SH3GL3: variants seen among roughly 807,000 people sequenced by gnomAD.
SH3GL3 encodes endophilin-A3.
SH3GL3 carries 33 observed loss-of-function variants against 47.7 expected under a neutral mutation model. The observed-to-expected ratio is 0.69, with a 90% CI of 0.52 to 0.92. The LOEUF (loss-of-function observed/expected upper bound fraction) is 0.92, where lower values mean the gene tolerates loss of function less well. Ranked by LOEUF, SH3GL3 falls within the 40% of genes least tolerant of loss-of-function variation. SH3GL3 has a pLI of 0.00. For synonymous variants in SH3GL3, 155 were observed against 148.8 expected, an observed-to-expected ratio of 1.04 and a Z score of -0.30; for missense variants, 363 against 417.8, an observed-to-expected ratio of 0.87 and a Z score of 1.14.
intron 1 of SH3GL3, among the ~76,000 whole-genome samples, chr15:83,486,052 G>A (rs2041580304): frequency 6.6e-6 from 1 of 152,030 alleles, no homozygotes; most frequent in Admixed American, 6.6e-5. Context: ...TTTCTCTTAG[G>A]CCTTTCTCTA....
intron 1 of SH3GL3, among the ~76,000 whole-genome samples, chr15:83,477,576 TTCAG>T (rs1189139067): frequency 1.3e-5 from 2 of 152,190 alleles, no homozygotes; most frequent in Non-Finnish European, 2.9e-5. Flanking sequence ...CTCGGTTAAC[TTCAG>T]TCAGTTTGTA....
chr15:83,515,908 A>G (rs17512392), intron 1 of SH3GL3, among the ~76,000 whole-genome samples: 5,215 of 152,314 alleles, frequency 0.034, 116 homozygotes, highest in Non-Finnish European at 0.048. Flanking sequence ...AATTCACTGT[A>G]AAAATATCGT....
chr15:83,520,202 C>A (rs1032259682), intron 1 of SH3GL3, among the ~76,000 whole-genome samples: 8 of 152,114 alleles, frequency 5.3e-5, no homozygotes, highest in Admixed American at 2.0e-4. Flanking sequence ...GCTTGCCTGA[C>A]CTTTGCCCAG....
chr15:83,614,874 C>A (rs1417932443), intron 8 of SH3GL3, among the ~76,000 whole-genome samples: 2 of 152,184 alleles, frequency 1.3e-5, no homozygotes, highest in East Asian at 3.8e-4. Flanking sequence ...AATGCTGTCA[C>A]CTCTCTACCC....
chr15:83,554,641 A>G lies in SH3GL3; in HGVS notation c.46-4612A>G, dbSNP rs1189163251. Among the ~76,000 whole-genome samples, 3 of 151,664 alleles carry G rather than the reference A, an allele frequency of 2.0e-5. No individual in the cohort carries two copies. In the East Asian group the frequency reaches 5.8e-4, roughly 29 times the overall value. On this transcript the variant is annotated intron_variant, in intron 1 of 8. Coordinates refer to ENST00000427482, the MANE Select transcript of SH3GL3 (RefSeq NM_003027.5). ...GACCTCAGGTGATCCACCCGCCTCA[A>G]CCTCCCAAAGTGCTGGGATTACAGG... is the stretch of plus-strand genomic sequence containing the variant.
chr15:83,597,923 T>C (rs536074909), intron 8 of SH3GL3, among the ~76,000 whole-genome samples: 1 of 152,328 alleles, frequency 6.6e-6, no homozygotes, highest in South Asian at 2.1e-4. Context: ...TTATGCTTTT[T>C]AAAAAGTCTC....
In SH3GL3 at chr15:83,555,345, T is replaced by C. The variant is rs554547941; in HGVS notation, c.46-3908T>C. Reference sequence around the variant, plus strand: ...GTCTATATTGTTTCATAAAACCGTTTTCTCTAGAAGTGAATTCATGTTATG... The same window carrying C: ...GTCTATATTGTTTCATAAAACCGTTCTCTCTAGAAGTGAATTCATGTTATG... On this transcript the variant is annotated intron_variant, in intron 1 of 8. Coordinates refer to ENST00000427482, the MANE Select transcript of SH3GL3 (RefSeq NM_003027.5). 2.0e-5 allele frequency among the ~76,000 whole-genome samples: 3 copies of C among 152,340 alleles called. No individual in the cohort carries two copies. In the East Asian group the frequency reaches 5.8e-4, roughly 29 times the overall value.
At chr15:83,509,071 C>T (rs765702309) in intron 1 of SH3GL3, among the ~76,000 whole-genome samples, 2 of 152,180 alleles carry the variant, frequency 1.3e-5, no homozygotes, top group Non-Finnish European at 2.9e-5. Flanking sequence ...GGCATTTTAG[C>T]GTGCATTAAG....
intron 1 of SH3GL3, among the ~76,000 whole-genome samples, chr15:83,529,306 C>T (rs1489739200): frequency 6.6e-6 from 1 of 152,160 alleles, no homozygotes; most frequent in African/African-American, 2.4e-5. Context: ...GTGGCTTGCT[C>T]AGATTCCAGC....
Position 83,618,169 on chromosome 15 carries a change from G to A in SH3GL3, c.926G>A (p.Gly309Glu). ...ENQGELGFKEGDIITLTNQID... is the reference protein window; with the variant it reads ...ENQGELGFKEEDIITLTNQID... The stretch of plus-strand genomic sequence containing the variant: ...CAAGGAGAATTAGGATTTAAAGAAG[G>A]GGACATCATTACATTAACCAATCAA... Residue 309 changes from glycine (G) to glutamate (E), a missense_variant, in exon 9 of 9, where the codon GGG becomes GAG. Transcript: ENST00000427482. The A allele has an allele frequency of 6.2e-7, 1 of 1,610,950 alleles. No individual in the cohort carries two copies. The highest frequency in any genetic ancestry group is 8.5e-7 in the Non-Finnish European group (1 of 1,177,026).
At chr15:83,617,139 A>T (rs996725345) in intron 8 of SH3GL3, among the ~76,000 whole-genome samples, 5 of 152,136 alleles carry the variant, frequency 3.3e-5, no homozygotes, top group Non-Finnish European at 7.4e-5. Context: ...TTTGTTTACA[A>T]TTAGCATGAT....
chr15:83,630,281 TA>T, the SH3GL3 span, among the ~76,000 whole-genome samples: 8 of 152,208 alleles, frequency 5.3e-5, no homozygotes, highest in Admixed American at 2.6e-4. Context: ...AATATCTTCA[TA>T]ATTTCTTAGG....
intron 1 of SH3GL3, among the ~76,000 whole-genome samples, chr15:83,520,915 G>A (rs748903679): frequency 1.3e-5 from 2 of 151,988 alleles, no homozygotes; most frequent in Non-Finnish European, 2.9e-5. Flanking sequence ...ATTATGTTGT[G>A]TATCTTAAAC....
At chr15:83,609,397 G>T in intron 8 of SH3GL3, 1 of 446,542 alleles carries the variant, frequency 2.2e-6, no homozygotes. Flanking sequence ...ACTATAAAAA[G>T]CAGGAACAAA....
Position 83,568,589 on chromosome 15 carries a change from C to A in SH3GL3, c.248C>A (p.Thr83Asn), listed in dbSNP as rs2045665922. 10 of 1,613,076 alleles carry A rather than the reference C, an allele frequency of 6.2e-6. No homozygotes were observed. The highest frequency in any genetic ancestry group is 1.1e-5 in the South Asian group (1 of 91,054). The change falls in exon 4 of 9, where the codon ACC becomes AAC. Residue 83 changes from threonine (T) to asparagine (N), a missense_variant. Transcript: ENST00000427482. ...TVSKIRGQVK[T>N]TGYPQTEGLL... ...TCGAAGATCCGAGGGCAGGTGAAGA[C>A]CACAGGATACCCGCAGACGGAAGGC...
chr15:83,522,786 A>C (rs1194588332), intron 1 of SH3GL3, among the ~76,000 whole-genome samples: 1 of 152,232 alleles, frequency 6.6e-6, no homozygotes, highest in Non-Finnish European at 1.5e-5. Context: ...CAAATATCCT[A>C]TTAAAACTGT....
chr15:83,572,875 T>A (rs1192644969), intron 5 of SH3GL3, among the ~76,000 whole-genome samples, 177 bp downstream of exon 5: 1 of 151,952 alleles, frequency 6.6e-6, no homozygotes, highest in Non-Finnish European at 1.5e-5. Flanking sequence ...GATCCATTAG[T>A]CCTATCTGCC....
chr15:83,574,687 C>T (rs2059627780), intron 5 of SH3GL3, among the ~76,000 whole-genome samples: 1 of 152,072 alleles, frequency 6.6e-6, no homozygotes, highest in Non-Finnish European at 1.5e-5. Context: ...ACAGCCTGGC[C>T]CCTCCTTTCC....
At position 83,448,845 on chromosome 15, in the gene SH3GL3, A is replaced by C. The variant is rs1595988967; in HGVS notation, c.45+1267A>C. 6.6e-6 allele frequency among the ~76,000 whole-genome samples: 1 copy of C among 152,170 alleles called. No individual in the cohort carries two copies. The highest frequency in any genetic ancestry group is 1.5e-5 in the Non-Finnish European group (1 of 68,042). ...GTTTCTAGCTGGGGGCACTGGGTGG[A>C]CAGTGGTGCTATTCAAGGTGTTAAG... On this transcript the variant is annotated intron_variant, in intron 1 of 8. Coordinates refer to ENST00000427482, the MANE Select transcript of SH3GL3 (RefSeq NM_003027.5). The surrounding 1 kb of genome is among the most constrained non-coding windows in gnomAD (Gnocchi z 4.2).
Sources: allele counts gnomAD v4.1 joint callset (sites outside exome capture counted in the v4.1 genomes callset), GRCh38; gene constraint gnomAD v4.1.1; non-coding constraint Gnocchi (gnomAD v3.1); transcripts MANE v1.5; gene names NCBI Gene and HGNC (gene_info 2026-07-23, HGNC 2026-07-21).